Variants in CLINT1 observed in about 807,000 individuals in gnomAD.
CLINT1 encodes the protein clathrin interacting protein localized in the trans-Golgi region.
Under a neutral mutation model 70.4 loss-of-function variants are expected in CLINT1, and 15 were observed. The ratio of observed to expected loss-of-function variants is 0.21; its 90% CI spans 0.14 to 0.33. The LOEUF (loss-of-function observed/expected upper bound fraction) is 0.33. Ranked by LOEUF, CLINT1 falls within the 10% of genes least tolerant of loss-of-function variation. The pLI is 1.00. For synonymous variants in CLINT1, 227 were observed against 254.7 expected, an observed-to-expected ratio of 0.89 and a Z score of 1.04; for missense variants, 615 against 778.1, an observed-to-expected ratio of 0.79 and a Z score of 2.49.
In CLINT1 at chr5:157,803,710, G is replaced by A. The variant is rs1413374771; in HGVS notation, c.952C>T (p.Pro318Ser). 5 of 1,551,948 alleles carry A rather than the reference G, an allele frequency of 3.2e-6. No homozygotes were observed. In the Admixed American group the frequency reaches 7.0e-5, roughly 22 times the overall value. ...AGGTCACCAGATGACTTGCTGCTAG[G>A]CACTGAAGTCTGAAAACACACACAT... ...TPQSSVKTSV[P>S]SSKSSGDLVD... Residue 318 changes from proline to serine, a missense_variant, in exon 8 of 12, where the codon CCT becomes TCT. Pro to Ser is a moderately conservative substitution (Grantham distance 74, BLOSUM62 -1). This residue lies in a region of CLINT1 where 374 missense variants were observed against 409.6 expected (regional missense o/e 0.91). Coordinates refer to ENST00000411809, the MANE Select transcript of CLINT1 (RefSeq NM_014666.4).
chr5:157,829,708 T>A (rs1269240682), intron 1 of CLINT1, among the ~76,000 whole-genome samples: 1 of 142,784 alleles, frequency 7.0e-6, no homozygotes, highest in African/African-American at 2.8e-5. Context: ...TTTTTTTTTT[T>A]TTTTTGTATT....
chr5:157,794,968 T>A lies in CLINT1; in HGVS notation c.1017A>T (p.Gly339=). Residue 339 remains glycine, a synonymous_variant, in exon 9 of 12, where the codon GGA becomes GGT. Transcript: ENST00000411809. ...CAAATCCTCCGAATAAATCAGCTGA[T>A]CCTCCTAGAAGTTAAGAAAAAGTTA... ...LFDGTSQSTG[G]SADLFGGFAD... 6.4e-7 allele frequency: 1 copy of A among 1,552,534 alleles called. No homozygotes were observed. Among genetic ancestry groups the A allele is most frequent in the African/African-American group, 1.4e-5 (1 of 73,216 alleles).
chr5:157,809,899 A>C, intron 5 of CLINT1, 94 bp from the exon 6 acceptor site: 1 of 1,262,948 alleles, frequency 7.9e-7, no homozygotes, highest in South Asian at 1.4e-5. Context: ...CCTCATAATA[A>C]AATCATTTTC....
At chr5:157,839,587 C>T (rs1159732476) in intron 1 of CLINT1, among the ~76,000 whole-genome samples, 2 of 148,264 alleles carry the variant, frequency 1.3e-5, no homozygotes, top group Non-Finnish European at 3.0e-5. Flanking sequence ...GGTGACAGAG[C>T]GAGACTCAGT....
At chr5:157,815,329 C>T (rs1762687403) in intron 3 of CLINT1, among the ~76,000 whole-genome samples, 1 of 151,996 alleles carries the variant, frequency 6.6e-6, no homozygotes, top group African/African-American at 2.4e-5. Context: ...AACCCCCACC[C>T]CCAAACTAAA....
At chr5:157,852,994 T>C (rs1217324532) in intron 1 of CLINT1, among the ~76,000 whole-genome samples, 2 of 152,214 alleles carry the variant, frequency 1.3e-5, no homozygotes, top group African/African-American at 2.4e-5. Context: ...AAAATGTACT[T>C]TGAATCTGTG....
intron 3 of CLINT1, among the ~76,000 whole-genome samples, chr5:157,815,110 T>G (rs1762678055): frequency 1.4e-5 from 2 of 138,108 alleles, no homozygotes; most frequent in Middle Eastern, 3.7e-3. Context: ...AAAATAGACA[T>G]CTTCACACAT....
intron 8 of CLINT1, among the ~76,000 whole-genome samples, chr5:157,801,557 G>A (rs1561642188): frequency 6.6e-6 from 1 of 151,554 alleles, no homozygotes; most frequent in Non-Finnish European, 1.5e-5. Context: ...TCTGGGCTGG[G>A]TGCAGTGGCT....
chr5:157,788,434 G>C, intron 11 of CLINT1, among the ~76,000 whole-genome samples: 1 of 151,798 alleles, frequency 6.6e-6, no homozygotes, highest in Non-Finnish European at 1.5e-5. Flanking sequence ...CTTATTTTTA[G>C]AACATTCTAT....
intron 1 of CLINT1, among the ~76,000 whole-genome samples, chr5:157,838,599 A>G (rs194219): frequency 1 from 152,331 of 152,352 alleles, 76,155 homozygotes; most frequent in Middle Eastern, 1. Flanking sequence ...AAGTGCCAGC[A>G]TTTAATTAGA....
At chr5:157,819,340 A>G (rs951115222) in intron 1 of CLINT1, among the ~76,000 whole-genome samples, 1 of 152,232 alleles carries the variant, frequency 6.6e-6, no homozygotes, top group Non-Finnish European at 1.5e-5. Flanking sequence ...GCCTCCTAAG[A>G]TATCAATTAA....
chr5:157,843,511 GAC>G (rs1753263328), intron 1 of CLINT1, among the ~76,000 whole-genome samples: 1 of 152,136 alleles, frequency 6.6e-6, no homozygotes, highest in Non-Finnish European at 1.5e-5. Flanking sequence ...TCTCTTAACA[GAC>G]CTGGAAGGTA....
chr5:157,840,690 T>C (rs1029278529), intron 1 of CLINT1, among the ~76,000 whole-genome samples: 3 of 151,864 alleles, frequency 2.0e-5, no homozygotes, highest in African/African-American at 7.3e-5. Flanking sequence ...AAAGTATACA[T>C]GTATTCTCTT....
chr5:157,846,363 T>C (rs1016569060), intron 1 of CLINT1, among the ~76,000 whole-genome samples: 6 of 149,464 alleles, frequency 4.0e-5, no homozygotes, highest in Non-Finnish European at 8.9e-5. Flanking sequence ...GTGGTTTGAA[T>C]AGAATATCAA....
intron 1 of CLINT1, among the ~76,000 whole-genome samples, chr5:157,833,386 C>G (rs751955441): frequency 1.5e-4 from 22 of 151,516 alleles, no homozygotes; most frequent in Non-Finnish European, 1.0e-4. Context: ...AAATCCTTAA[C>G]AAGATATAAA....
chr5:157,840,192 C>CAAAAAAAAA (rs57245921), intron 1 of CLINT1, among the ~76,000 whole-genome samples: 12 of 55,328 alleles, frequency 2.2e-4, no homozygotes, highest in African/African-American at 1.0e-3. Flanking sequence ...GAGACTGCCT[C>CAAAAAAAAA]AAAAAAAAAA....
intron 1 of CLINT1, chr5:157,823,752 A>C (rs555214651): frequency 9.7e-6 from 8 of 828,152 alleles, no homozygotes; most frequent in Non-Finnish European, 1.2e-5. Flanking sequence ...CATAAAATTA[A>C]CATTGTAGAA....
intron 6 of CLINT1, among the ~76,000 whole-genome samples, chr5:157,807,625 A>T (rs552286331): frequency 1.3e-5 from 2 of 152,258 alleles, no homozygotes; most frequent in Non-Finnish European, 2.9e-5. Flanking sequence ...GTGCCCTATC[A>T]TTATCACGAT....
At chr5:157,809,131 G>T (rs1367290713) in intron 6 of CLINT1, 1 of 152,276 alleles carries the variant, frequency 6.6e-6, no homozygotes, top group Non-Finnish European at 1.5e-5. Flanking sequence ...ACTAAAACCA[G>T]AACAATACAG....
Sources: allele counts gnomAD v4.1 joint callset (sites outside exome capture counted in the v4.1 genomes callset), GRCh38; gene constraint gnomAD v4.1.1; regional missense constraint gnomAD v4.1.1; transcripts MANE v1.5; gene names NCBI Gene and HGNC (gene_info 2026-07-23, HGNC 2026-07-21).